TAFA2: variants seen among roughly 807,000 people sequenced by gnomAD.
The protein encoded by TAFA2 is TAFA chemokine like family member 2.
A neutral mutation model predicts 18.8 loss-of-function variants in TAFA2; 7 were observed. The ratio of observed to expected loss-of-function variants is 0.37; its 90% CI spans 0.21 to 0.70. TAFA2 has a LOEUF of 0.70. TAFA2 is among the 30% of genes least tolerant of loss of function. The pLI, the probability that TAFA2 is intolerant of heterozygous loss-of-function variation, is 0.53. For missense variants in TAFA2, 122 were observed against 158.1 expected, an observed-to-expected ratio of 0.77 and a Z score of 1.23; for synonymous variants, 60 against 54.2, an observed-to-expected ratio of 1.11 and a Z score of -0.47.
rs561344593 is a variant in TAFA2, at chr12:61,713,150, G to A, written c.385-2733C>T. On this transcript the variant is annotated intron_variant, in intron 4 of 4. Coordinates refer to ENST00000416284, the MANE Select transcript of TAFA2 (RefSeq NM_178539.5). ...CATCATAAACTGTAACCTAAATGGA[G>A]GTGTAAACACAATGTAGCCCACTCT... 5.3e-5 allele frequency among the ~76,000 whole-genome samples: 8 copies of A among 152,204 alleles called. No individual in the cohort carries two copies. In the South Asian group the frequency reaches 1.7e-3, roughly 32 times the overall value.
At chr12:61,749,924 G>A (rs1400445251) in intron 4 of TAFA2, among the ~76,000 whole-genome samples, 7 of 151,832 alleles carry the variant, frequency 4.6e-5, no homozygotes, top group Non-Finnish European at 8.8e-5. Flanking sequence ...ATTAGGCAAG[G>A]ACTATAAATC....
intron 1 of TAFA2, among the ~76,000 whole-genome samples, chr12:62,210,074 C>G (rs947856712): frequency 6.6e-6 from 1 of 151,946 alleles, no homozygotes; most frequent in African/African-American, 2.4e-5. Context: ...GTGGTGGGCG[C>G]CTGTGGGAGG....
intron 1 of TAFA2, among the ~76,000 whole-genome samples, chr12:62,102,872 T>C (rs1444392326): frequency 6.6e-6 from 1 of 152,228 alleles, no homozygotes; most frequent in African/African-American, 2.4e-5. Context: ...AGGGCTGTCC[T>C]GAGCACAGTT....
At chr12:61,913,084 A>G (rs552393687) in intron 1 of TAFA2, among the ~76,000 whole-genome samples, 47 of 152,336 alleles carry the variant, frequency 3.1e-4, no homozygotes, top group South Asian at 2.1e-4. Flanking sequence ...TAAACACTCT[A>G]CAATAATTGC....
intron 1 of TAFA2, among the ~76,000 whole-genome samples, chr12:61,870,532 AGTAGG>A (rs1424321279): frequency 2.0e-5 from 3 of 152,200 alleles, no homozygotes; most frequent in Admixed American, 6.5e-5. Context: ...CATCATTCTT[AGTAGG>A]GTATGAAAAT....
At chr12:62,199,655 C>T (rs551575191) in intron 1 of TAFA2, among the ~76,000 whole-genome samples, 1 of 151,926 alleles carries the variant, frequency 6.6e-6, no homozygotes, top group Non-Finnish European at 1.5e-5. Context: ...GAGTCTATCA[C>T]TAGTGGGAAT....
intron 1 of TAFA2, among the ~76,000 whole-genome samples, chr12:62,158,885 G>T (rs143219705): frequency 7.8e-4 from 119 of 152,280 alleles, no homozygotes; most frequent in African/African-American, 2.7e-3. Context: ...TACAGAAAAG[G>T]CATCAGAAGA....
At chr12:61,949,348 T>C (rs1409311218) in intron 1 of TAFA2, among the ~76,000 whole-genome samples, 1 of 152,072 alleles carries the variant, frequency 6.6e-6, no homozygotes, top group Non-Finnish European at 1.5e-5. Flanking sequence ...CCACTGGCTC[T>C]CCTGATTCCC....
At chr12:61,716,373 G>A (rs916517698) in intron 4 of TAFA2, among the ~76,000 whole-genome samples, 2 of 152,078 alleles carry the variant, frequency 1.3e-5, no homozygotes, top group African/African-American at 4.8e-5. Context: ...AAAAATAAAT[G>A]GGATATTATT....
chr12:61,845,644 T>C (rs1873372911), intron 2 of TAFA2, among the ~76,000 whole-genome samples: 2 of 152,156 alleles, frequency 1.3e-5, no homozygotes, highest in African/African-American at 4.8e-5. Context: ...GAGGTAAGCA[T>C]GGTAGTTTAG....
chr12:62,129,763 G>A lies in TAFA2; in HGVS notation c.-2+61496C>T, dbSNP rs138485616. On this transcript the variant is annotated intron_variant, in intron 1 of 4. Coordinates refer to ENST00000416284, the MANE Select transcript of TAFA2 (RefSeq NM_178539.5). ...AGCAGCATTCCTGGACTTCACCCAC[G>A]AAATGCTTCTAGCACCTCTTCCTTT... is the stretch of plus-strand genomic sequence containing the variant. Among the ~76,000 whole-genome samples the A allele has an allele frequency of 7.9e-5, 12 of 152,016 alleles. No homozygotes were observed. The East Asian group carries it at 1.2e-3, about 15-fold the overall frequency.
At chr12:62,256,198 G>A (rs1163199007) in intron 1 of TAFA2, among the ~76,000 whole-genome samples, 3 of 152,028 alleles carry the variant, frequency 2.0e-5, no homozygotes, top group East Asian at 3.9e-4. Flanking sequence ...GAACCCGGGA[G>A]GCAGAGGTTG....
At chr12:62,015,013 T>C (rs990713581) in intron 1 of TAFA2, among the ~76,000 whole-genome samples, 1 of 152,206 alleles carries the variant, frequency 6.6e-6, no homozygotes, top group Non-Finnish European at 1.5e-5. Context: ...TCCAAAAAAG[T>C]CTATCCTAGC....
At chr12:62,084,749 A>G in intron 1 of TAFA2, among the ~76,000 whole-genome samples, 1 of 152,108 alleles carries the variant, frequency 6.6e-6, no homozygotes, top group East Asian at 1.9e-4. Flanking sequence ...GAGACTTCCA[A>G]TTTTTAGACT....
chr12:61,724,941 G>GT (rs1328548745), intron 4 of TAFA2, among the ~76,000 whole-genome samples: 1 of 145,152 alleles, frequency 6.9e-6, no homozygotes, highest in Non-Finnish European at 1.5e-5. Context: ...CCCCAGCAGT[G>GT]TAAGTGTTCT....
chr12:61,780,603 CAAGA>C (rs1421515904), intron 2 of TAFA2, among the ~76,000 whole-genome samples: 5 of 151,346 alleles, frequency 3.3e-5, no homozygotes, highest in African/African-American at 1.2e-4. Flanking sequence ...GACATTTAAT[CAAGA>C]AAGACAGGGC....
At chr12:61,835,926 A>G (rs927813124) in intron 2 of TAFA2, among the ~76,000 whole-genome samples, 19 of 152,072 alleles carry the variant, frequency 1.2e-4, no homozygotes, top group Admixed American at 1.1e-3. Context: ...TCAGCAGGGG[A>G]TATAGTAATT....
chr12:62,005,852 A>C (rs1880529834), intron 1 of TAFA2, among the ~76,000 whole-genome samples: 1 of 152,230 alleles, frequency 6.6e-6, no homozygotes, highest in South Asian at 2.1e-4. Flanking sequence ...TGTCCTTCTG[A>C]TTCGTATATC....
chr12:61,743,180 C>A (rs931166697), intron 4 of TAFA2, among the ~76,000 whole-genome samples: 1 of 152,008 alleles, frequency 6.6e-6, no homozygotes, highest in Non-Finnish European at 1.5e-5. Flanking sequence ...AAGATATGAT[C>A]TTCTATTCCG....
Sources: allele counts gnomAD v4.1 joint callset (sites outside exome capture counted in the v4.1 genomes callset), GRCh38; gene constraint gnomAD v4.1.1; transcripts MANE v1.5; gene names NCBI Gene and HGNC (gene_info 2026-07-23, HGNC 2026-07-21).